The following UEVLD variants were observed in gnomAD, a reference collection of about 807,000 sequenced individuals.
The protein encoded by UEVLD is ubiquitin-conjugating enzyme E2 variant 3.
UEVLD carries 47 observed loss-of-function variants against 58.6 expected under a neutral mutation model. The ratio of observed to expected loss-of-function variants is 0.80; its 90% CI spans 0.63 to 1.02. The LOEUF is 1.02. UEVLD is among the 50% of genes least tolerant of loss of function. UEVLD has a pLI of 0.00. For synonymous variants in UEVLD, 197 were observed against 195.3 expected, an observed-to-expected ratio of 1.01 and a Z score of -0.07; for missense variants, 510 against 550.6, an observed-to-expected ratio of 0.93 and a Z score of 0.74.
At chr11:18,580,098 G>A (rs932901028) in intron 1 of UEVLD, among the ~76,000 whole-genome samples, 4 of 133,714 alleles carry the variant, frequency 3.0e-5, no homozygotes, top group African/African-American at 8.7e-5. Flanking sequence ...TTGGAAATTC[G>A]AGGGACCTAG....
chr11:18,536,622 T>TG, intron 9 of UEVLD, 153 bp from the exon 10 acceptor site: 1 of 616,040 alleles, frequency 1.6e-6, no homozygotes, highest in Non-Finnish European at 2.8e-6. Context: ...TGGATAACAA[T>TG]GAATGTGCTG....
At chr11:18,566,782 T>C (rs1309598643) in intron 4 of UEVLD, among the ~76,000 whole-genome samples, 1 of 152,230 alleles carries the variant, frequency 6.6e-6, no homozygotes, top group Admixed American at 6.5e-5. Flanking sequence ...GTAATGCTTT[T>C]CATGAAAAAT....
At chr11:18,573,888 T>C (rs1272431238) in intron 3 of UEVLD, among the ~76,000 whole-genome samples, 1 of 152,204 alleles carries the variant, frequency 6.6e-6, no homozygotes, top group African/African-American at 2.4e-5. Context: ...ATTCTCATTG[T>C]ACAATGCTGA....
At chr11:18,586,863 T>C (rs1234114171) in intron 1 of UEVLD, among the ~76,000 whole-genome samples, 1 of 151,352 alleles carries the variant, frequency 6.6e-6, no homozygotes, top group South Asian at 2.1e-4. Context: ...ACCTCGTCGC[T>C]ACTAAAAATA....
At position 18,544,993 on chromosome 11, in the gene UEVLD, C is replaced by CAT. The variant is rs557645261; in HGVS notation, c.887-199_887-198dup. On this transcript the variant is annotated intron_variant, in intron 8 of 11. Transcript: ENST00000396197. Reference sequence around the variant, plus strand: ...CATATAATACACACATACATACACACATATATATACACGTATGTATATATA... The same window carrying CAT: ...CATATAATACACACATACATACACACATATATATATACACGTATGTATATATA... Among the ~76,000 whole-genome samples the CAT allele has an allele frequency of 6.3e-3, 654 of 103,708 alleles. 2 individuals are homozygous for CAT. Among genetic ancestry groups the CAT allele is most frequent in the Non-Finnish European group, 0.01 (512 of 49,284 alleles). 68.0% of individuals were successfully genotyped at this position (103,708 alleles called of 152,430 possible). A position where few individuals can be genotyped will look rare whatever the true frequency, so the allele number is the denominator to read the frequency against.
At chr11:18,534,741 G>A (rs56411332) in intron 10 of UEVLD, among the ~76,000 whole-genome samples, 24,445 of 152,074 alleles carry the variant, frequency 0.16, 2,579 homozygotes, top group East Asian at 0.41. Context: ...TTTGCCTATC[G>A]ATAATTGGCA....
At chr11:18,558,467 T>C (rs1385316882) in intron 6 of UEVLD, 137 bp from the exon 7 acceptor site, 2 of 460,218 alleles carry the variant, frequency 4.3e-6, no homozygotes, top group Non-Finnish European at 7.5e-6. Flanking sequence ...AGTAACACAA[T>C]AGCAATAAAA....
At chr11:18,566,573 G>C in intron 4 of UEVLD, 91 bp from the exon 5 acceptor site, 1 of 1,390,618 alleles carries the variant, frequency 7.2e-7, no homozygotes, top group Non-Finnish European at 9.8e-7. Flanking sequence ...TTGAGCCCAG[G>C]AGTTTCAGAT....
At chr11:18,536,325 A>G in intron 10 of UEVLD, 81 bp downstream of exon 10, 1 of 1,322,564 alleles carries the variant, frequency 7.6e-7, no homozygotes, top group Non-Finnish European at 1.1e-6. Flanking sequence ...AGCCTGGTTA[A>G]GTACATACTG....
At chr11:18,532,764 A>G (rs1435478610) in intron 11 of UEVLD, among the ~76,000 whole-genome samples, 1 of 152,174 alleles carries the variant, frequency 6.6e-6, no homozygotes, top group East Asian at 1.9e-4. Flanking sequence ...CCCCCCCTGC[A>G]ATATGGGTAG....
chr11:18,579,833 A>G (rs1038208837), intron 1 of UEVLD, among the ~76,000 whole-genome samples: 1 of 152,218 alleles, frequency 6.6e-6, no homozygotes, highest in African/African-American at 2.4e-5. Context: ...TTACAATGGT[A>G]TCAAAAAGAA....
chr11:18,537,151 G>A (rs1420819724), intron 9 of UEVLD, among the ~76,000 whole-genome samples: 3 of 150,670 alleles, frequency 2.0e-5, no homozygotes, highest in South Asian at 2.1e-4. Context: ...CACCTGCTTC[G>A]GCCTCCCAAA....
intron 1 of UEVLD, among the ~76,000 whole-genome samples, chr11:18,582,584 T>C (rs1853300531): frequency 6.6e-6 from 1 of 151,816 alleles, no homozygotes; most frequent in African/African-American, 2.4e-5. Flanking sequence ...ATCCACCTGT[T>C]TCACCCTCCC....
At chr11:18,558,428 T>C in intron 6 of UEVLD, 98 bp from the exon 7 acceptor site, 1 of 659,302 alleles carries the variant, frequency 1.5e-6, no homozygotes, top group Non-Finnish European at 2.5e-6. Flanking sequence ...ACAGGCCTCA[T>C]ACACTGTCTT....
At chr11:18,587,336 T>C (rs1392573293) in intron 1 of UEVLD, among the ~76,000 whole-genome samples, 2 of 152,226 alleles carry the variant, frequency 1.3e-5, no homozygotes, top group Non-Finnish European at 2.9e-5. Context: ...TCCTACAAGA[T>C]CTGCACCTGT....
rs186138000 is a variant in UEVLD at position 18,577,447 on chromosome 11, A to T, written c.127+1277T>A. Among the ~76,000 whole-genome samples the T allele has an allele frequency of 7.2e-5, 11 of 152,342 alleles. No individual in the cohort carries two copies. The East Asian group carries it at 1.9e-3, about 27-fold the overall frequency. On this transcript the variant is annotated intron_variant, in intron 2 of 11. Coordinates refer to ENST00000396197, the MANE Select transcript of UEVLD (RefSeq NM_001040697.4). ...TTCAACTTTCCCATCAGTAACTGGG[A>T]CACACTGATAGAGAATCAACGCCCT...
intron 3 of UEVLD, among the ~76,000 whole-genome samples, chr11:18,572,200 C>T (rs1442121750): frequency 6.6e-6 from 1 of 151,960 alleles, no homozygotes; most frequent in Non-Finnish European, 1.5e-5. Context: ...CGCGCCACTG[C>T]ACTCCAGCCT....
intron 7 of UEVLD, among the ~76,000 whole-genome samples, chr11:18,549,770 C>T (rs1251849800): frequency 6.6e-6 from 1 of 151,888 alleles, no homozygotes; most frequent in Non-Finnish European, 1.5e-5. Context: ...CAAAGATTTT[C>T]CCATCAAGCT....
chr11:18,551,400 G>T (rs1408685314), intron 7 of UEVLD, among the ~76,000 whole-genome samples: 1 of 117,164 alleles, frequency 8.5e-6, no homozygotes, highest in Non-Finnish European at 1.9e-5. Flanking sequence ...CCCAACCTGG[G>T]CAACCGAGTA....
Sources: allele counts gnomAD v4.1 joint callset (sites outside exome capture counted in the v4.1 genomes callset), GRCh38; gene constraint gnomAD v4.1.1; transcripts MANE v1.5; gene names NCBI Gene and HGNC (gene_info 2026-07-23, HGNC 2026-07-21).